The following GPHN variants were observed in gnomAD, a reference collection of about 807,000 sequenced individuals.
GPHN encodes gephyrin.
GPHN carries 17 observed loss-of-function variants against 95.5 expected under a neutral mutation model. The observed-to-expected ratio is 0.18, with a 90% CI of 0.12 to 0.27. GPHN has a LOEUF of 0.27. GPHN is among the 10% of genes least tolerant of loss of function. GPHN has a pLI of 1.00. For synonymous variants in GPHN, 320 were observed against 322.5 expected (o/e 0.99, Z 0.08); for missense variants, 660 against 978.1 (o/e 0.67, Z 4.34).
intron 9 of GPHN, among the ~76,000 whole-genome samples, chr14:66,977,197 C>T (rs1366163675): frequency 6.6e-6 from 1 of 152,040 alleles, no homozygotes; most frequent in African/African-American, 2.4e-5. Flanking sequence ...TTTGGGAGGC[C>T]GAGGCGGATG....
At chr14:66,584,770 T>A (rs2061350449) in intron 1 of GPHN, among the ~76,000 whole-genome samples, 1 of 152,162 alleles carries the variant, frequency 6.6e-6, no homozygotes. Context: ...CTTTTTGATG[T>A]GCTGCTGGAT....
intron 2 of GPHN, among the ~76,000 whole-genome samples, chr14:66,737,722 G>T (rs1000162060): frequency 6.6e-6 from 1 of 152,122 alleles, no homozygotes; most frequent in Non-Finnish European, 1.5e-5. Context: ...CTGGATTTAT[G>T]ATTCTTTTTT....
chr14:66,686,859 C>G (rs1312520878), intron 2 of GPHN, among the ~76,000 whole-genome samples: 1 of 152,064 alleles, frequency 6.6e-6, no homozygotes, highest in Non-Finnish European at 1.5e-5. Flanking sequence ...CCAGTTTTTG[C>G]CCATTCAGTA....
the GPHN span, among the ~76,000 whole-genome samples, chr14:67,675,562 TCTC>T: frequency 5.6e-5 from 8 of 143,140 alleles, no homozygotes; most frequent in East Asian, 6.4e-4. Flanking sequence ...CCCGAGTAAT[TCTC>T]CTCGTGGAGA....
chr14:67,093,936 T>C (rs1364294137), intron 12 of GPHN, among the ~76,000 whole-genome samples: 1 of 152,094 alleles, frequency 6.6e-6, no homozygotes, highest in African/African-American at 2.4e-5. Flanking sequence ...TCAGACAGTG[T>C]AGTTCTATAA....
At chr14:67,113,750 G>A (rs958362738) in intron 16 of GPHN, among the ~76,000 whole-genome samples, 4 of 152,016 alleles carry the variant, frequency 2.6e-5, no homozygotes, top group African/African-American at 9.7e-5. Context: ...TCCTGATTTA[G>A]AAAAGAGAAT....
the GPHN span, among the ~76,000 whole-genome samples, chr14:67,209,703 A>G: frequency 7.9e-5 from 12 of 151,694 alleles, no homozygotes; most frequent in Non-Finnish European, 1.2e-4. Flanking sequence ...CTGTAATCCC[A>G]GCTACTCGGG....
intron 18 of GPHN, among the ~76,000 whole-genome samples, chr14:67,148,558 CTTTTTT>C (rs368140123): frequency 1.8e-5 from 2 of 109,058 alleles, no homozygotes; most frequent in African/African-American, 7.7e-5. Context: ...ACTTTATTTG[CTTTTTT>C]TTTTTTTTTT....
intron 8 of GPHN, among the ~76,000 whole-genome samples, chr14:66,933,948 G>A (rs1356500218): frequency 6.6e-6 from 1 of 151,792 alleles, no homozygotes; most frequent in African/African-American, 2.4e-5. Context: ...AGACCAACCC[G>A]GGCAACATGG....
chr14:66,609,986 G>T (rs2062711894), intron 1 of GPHN, among the ~76,000 whole-genome samples: 1 of 152,048 alleles, frequency 6.6e-6, no homozygotes, highest in Non-Finnish European at 1.5e-5. Context: ...GCACTCTTTT[G>T]GAAAGAAGAG....
At chr14:66,880,350 T>TTTGTTGTTG (rs35170352) in intron 5 of GPHN, among the ~76,000 whole-genome samples, 2 of 150,358 alleles carry the variant, frequency 1.3e-5, no homozygotes, top group Admixed American at 6.7e-5. Context: ...TTCACTTCTT[T>TTTGTTGTTG]TTGTTGTTGT....
At chr14:67,027,067 A>G (rs1567227860) in intron 10 of GPHN, among the ~76,000 whole-genome samples, 1 of 152,204 alleles carries the variant, frequency 6.6e-6, no homozygotes, top group Non-Finnish European at 1.5e-5. Flanking sequence ...GATAGCTGGT[A>G]TATCCGTGGG....
the GPHN span, among the ~76,000 whole-genome samples, chr14:67,498,110 C>T: frequency 1.3e-5 from 2 of 152,262 alleles, no homozygotes; most frequent in South Asian, 4.1e-4. Flanking sequence ...CTCTGTAAGA[C>T]CAAGAATGTA....
At chr14:67,461,576 T>C in the GPHN span, among the ~76,000 whole-genome samples, 1 of 151,810 alleles carries the variant, frequency 6.6e-6, no homozygotes, top group Non-Finnish European at 1.5e-5. Context: ...GACAACAAAG[T>C]CAGCTGTCAT....
the GPHN span, among the ~76,000 whole-genome samples, chr14:67,543,839 C>T: frequency 6.6e-6 from 1 of 151,774 alleles, no homozygotes; most frequent in Non-Finnish European, 1.5e-5. Flanking sequence ...TTAAAATATT[C>T]ATGTAAATGC....
chr14:66,729,039 A>C (rs1249055476), intron 2 of GPHN, among the ~76,000 whole-genome samples: 1 of 152,144 alleles, frequency 6.6e-6, no homozygotes, highest in African/African-American at 2.4e-5. Flanking sequence ...AATAAGTCTC[A>C]GCTGATCTGA....
At chr14:66,634,332 T>C (rs2063988186) in intron 1 of GPHN, among the ~76,000 whole-genome samples, 1 of 152,166 alleles carries the variant, frequency 6.6e-6, no homozygotes, top group Non-Finnish European at 1.5e-5. Flanking sequence ...TTCTCGGTGA[T>C]TGCAATGGTG....
chr14:66,639,612 T>C (rs1595363852), intron 1 of GPHN, among the ~76,000 whole-genome samples: 2 of 125,846 alleles, frequency 1.6e-5, no homozygotes, highest in Admixed American at 1.6e-4. Context: ...ATGGTGATGA[T>C]TATTTTTTTT....
chr14:67,085,871 TC>T (rs1321791031), intron 11 of GPHN, among the ~76,000 whole-genome samples: 1 of 152,182 alleles, frequency 6.6e-6, no homozygotes, highest in Non-Finnish European at 1.5e-5. Context: ...CTTCTTTCCC[TC>T]CTCATCCCAG....
Sources: gnomAD v4.1 joint callset for allele counts (sites outside exome capture counted in the v4.1 genomes callset) on GRCh38, gnomAD v4.1.1 for gene constraint, MANE v1.5 for transcripts, NCBI Gene and HGNC (gene_info 2026-07-23, HGNC 2026-07-21) for gene names.